The following CDH13 variants were observed in gnomAD, a reference collection of about 807,000 sequenced individuals.
The protein encoded by CDH13 is cadherin-13.
In CDH13, 24 loss-of-function variants were observed where a neutral mutation model predicts 63.8. That is an observed-to-expected ratio of 0.38 (90% CI 0.27 to 0.53). CDH13 has a LOEUF of 0.53. Among genes scored for constraint, CDH13 ranks in the 20% least tolerant of loss-of-function variants. The pLI, the probability that CDH13 is intolerant of heterozygous loss-of-function variation, is 0.85. For missense variants in CDH13, 1,049 were observed against 903.1 expected, an observed-to-expected ratio of 1.16 and a Z score of -2.07; for synonymous variants, 503 against 355.3, an observed-to-expected ratio of 1.42 and a Z score of -4.67.
rs1444329118 is a variant in CDH13, at chr16:83,008,827, C to G, written c.158-23183C>G. Among the ~76,000 whole-genome samples the G allele has an allele frequency of 2.0e-5, 3 of 152,148 alleles. No individual in the cohort carries two copies. In the East Asian group the frequency reaches 5.8e-4, roughly 29 times the overall value. Reference sequence around the variant, plus strand: ...ACTGCTAATAAAGACATGCCCAAGACTGAGTAATTTATGGAAGAAAGAGGT... The same window carrying G: ...ACTGCTAATAAAGACATGCCCAAGAGTGAGTAATTTATGGAAGAAAGAGGT... On this transcript the variant is annotated intron_variant, in intron 2 of 13. Transcript: ENST00000567109.
intron 6 of CDH13, among the ~76,000 whole-genome samples, chr16:83,479,610 T>C (rs978319527): frequency 3.9e-5 from 6 of 152,042 alleles, no homozygotes; most frequent in Non-Finnish European, 7.4e-5. Flanking sequence ...TGAGCCAAGA[T>C]TGCACCACTG....
At chr16:82,843,616 G>T (rs2039125652) in intron 1 of CDH13, among the ~76,000 whole-genome samples, 1 of 152,092 alleles carries the variant, frequency 6.6e-6, no homozygotes, top group Non-Finnish European at 1.5e-5. Context: ...TTCAATAGAA[G>T]AATTTTTCTG....
chr16:83,534,040 G>A (rs2151636598), intron 7 of CDH13, among the ~76,000 whole-genome samples: 1 of 152,230 alleles, frequency 6.6e-6, no homozygotes, highest in South Asian at 2.1e-4. Context: ...TTTAGTGGAT[G>A]GACAGTGTTG....
intron 6 of CDH13, among the ~76,000 whole-genome samples, chr16:83,436,494 A>G (rs1160592622): frequency 1.3e-5 from 2 of 152,120 alleles, no homozygotes; most frequent in African/African-American, 2.4e-5. Flanking sequence ...AAATTATACA[A>G]TGAATAATGA....
At chr16:83,251,082 C>T (rs189561476) in intron 5 of CDH13, among the ~76,000 whole-genome samples, 1 of 152,108 alleles carries the variant, frequency 6.6e-6, no homozygotes, top group Admixed American at 6.5e-5. Context: ...TAATGAAAGC[C>T]ACAACCCAGG....
At chr16:83,706,901 G>A (rs556778028) in intron 10 of CDH13, among the ~76,000 whole-genome samples, 2 of 141,216 alleles carry the variant, frequency 1.4e-5, no homozygotes, top group African/African-American at 5.4e-5. Flanking sequence ...AGCATATTAA[G>A]TCCTGGGTGG....
At chr16:82,728,399 T>C (rs577161429) in intron 1 of CDH13, among the ~76,000 whole-genome samples, 1 of 152,182 alleles carries the variant, frequency 6.6e-6, no homozygotes, top group East Asian at 1.9e-4. Flanking sequence ...GGTTTGGTTC[T>C]AGACCACAGC....
chr16:83,458,279 T>G (rs1489912064), intron 6 of CDH13, among the ~76,000 whole-genome samples: 1 of 152,214 alleles, frequency 6.6e-6, no homozygotes, highest in Admixed American at 6.5e-5. Context: ...TATTGTTTAC[T>G]TTTTAGTCGC....
At chr16:83,249,972 C>G (rs539747992) in intron 5 of CDH13, among the ~76,000 whole-genome samples, 23 of 152,014 alleles carry the variant, frequency 1.5e-4, no homozygotes, top group Non-Finnish European at 2.4e-4. Flanking sequence ...CCAAAATAGC[C>G]CTATTGGTAA....
chr16:83,595,029 A>C (rs1449681660), intron 7 of CDH13, among the ~76,000 whole-genome samples: 1 of 152,202 alleles, frequency 6.6e-6, no homozygotes, highest in Non-Finnish European at 1.5e-5. Flanking sequence ...CCAGGAGGAG[A>C]CAGCAAATGC....
chr16:82,841,053 G>A (rs933018006), intron 1 of CDH13, among the ~76,000 whole-genome samples: 5 of 152,212 alleles, frequency 3.3e-5, no homozygotes, highest in African/African-American at 9.7e-5. Context: ...AAGGCAAATG[G>A]TACTTGCTGG....
chr16:82,911,723 A>T (rs530626537), intron 2 of CDH13, among the ~76,000 whole-genome samples: 11 of 152,134 alleles, frequency 7.2e-5, no homozygotes, highest in Non-Finnish European at 1.5e-4. Context: ...TCCTTCCCTT[A>T]CGGCCCCTTA....
chr16:82,774,825 C>T (rs2035423167), intron 1 of CDH13, among the ~76,000 whole-genome samples: 1 of 152,222 alleles, frequency 6.6e-6, no homozygotes, highest in South Asian at 2.1e-4. Context: ...TGTGTTCCTG[C>T]ACCTGGTGGG....
intron 6 of CDH13, among the ~76,000 whole-genome samples, chr16:83,478,412 T>G (rs1281983942): frequency 6.6e-6 from 1 of 152,092 alleles, no homozygotes; most frequent in Middle Eastern, 3.2e-3. Context: ...AGTCCCACCT[T>G]TGAGGCCAGT....
intron 1 of CDH13, among the ~76,000 whole-genome samples, chr16:82,857,885 G>A (rs987046533): frequency 3.9e-5 from 6 of 152,150 alleles, no homozygotes; most frequent in African/African-American, 1.4e-4. Context: ...GGTGGTTCAT[G>A]GTCACCATAT....
chr16:83,092,624 T>C (rs72798303), intron 3 of CDH13, among the ~76,000 whole-genome samples: 8,595 of 152,292 alleles, frequency 0.056, 297 homozygotes, highest in Non-Finnish European at 0.072. Context: ...ACTTCTTTCT[T>C]TGCCGCTTTA....
At chr16:82,913,728 G>A (rs888103786) in intron 2 of CDH13, among the ~76,000 whole-genome samples, 2 of 151,924 alleles carry the variant, frequency 1.3e-5, no homozygotes, top group Admixed American at 6.6e-5. Flanking sequence ...TACCCCATGC[G>A]CAGATCCTCA....
intron 11 of CDH13, among the ~76,000 whole-genome samples, chr16:83,754,965 A>G (rs1162832093): frequency 6.6e-6 from 1 of 152,204 alleles, no homozygotes; most frequent in African/African-American, 2.4e-5. Flanking sequence ...TTTTATAAAA[A>G]TTACTTGACC....
intron 2 of CDH13, among the ~76,000 whole-genome samples, chr16:82,956,487 A>T (rs758003334): frequency 6.7e-6 from 1 of 148,564 alleles, no homozygotes; most frequent in Non-Finnish European, 1.5e-5. Context: ...TTAACATATC[A>T]GAGCCTTGCT....
Sources: allele counts gnomAD v4.1 joint callset (sites outside exome capture counted in the v4.1 genomes callset), GRCh38; gene constraint gnomAD v4.1.1; transcripts MANE v1.5; gene names NCBI Gene and HGNC (gene_info 2026-07-23, HGNC 2026-07-21).